Variants in GLI3 observed in about 807,000 individuals in gnomAD.
GLI3 encodes GLI family zinc finger 3, also known as transcription activator GLI3.
GLI3 carries 20 observed loss-of-function variants against 100.8 expected under a neutral mutation model. The observed-to-expected ratio is 0.20, with a 90% confidence interval of 0.14 to 0.29. The LOEUF is 0.29. GLI3 is among the 10% of genes least tolerant of loss of function. GLI3 has a pLI of 1.00. For synonymous variants in GLI3, 938 were observed against 860.5 expected, an observed-to-expected ratio of 1.09 and a Z score of -1.58; for missense variants, 2,040 against 2,128.5, an observed-to-expected ratio of 0.96 and a Z score of 0.82.
chr7:42,092,446 C>G lies in GLI3; in HGVS notation c.368-15589G>C, dbSNP rs763176698. Among the ~76,000 whole-genome samples, 54 of 152,166 alleles carry G rather than the reference C, an allele frequency of 3.5e-4. 1 individual carries two copies. The highest frequency in any genetic ancestry group is 9.8e-4 in the Admixed American group (15 of 15,280). On this transcript the variant is annotated intron_variant, in intron 3 of 14. Coordinates refer to ENST00000395925, the MANE Select transcript of GLI3 (RefSeq NM_000168.6). ...GAGCGCAAAGCCCGTGGTGTGCTGT[C>G]AGGATTCCAGCTCAGAAGTGGAGAC...
intron 3 of GLI3, among the ~76,000 whole-genome samples, chr7:42,105,199 C>CTGAAT (rs1785546984): frequency 6.6e-6 from 1 of 152,172 alleles, no homozygotes; most frequent in African/African-American, 2.4e-5. Flanking sequence ...ACTGTGTGCC[C>CTGAAT]TGAATTCAAG....
At chr7:42,205,565 TG>T (rs372117070) in intron 2 of GLI3, among the ~76,000 whole-genome samples, 13 of 152,180 alleles carry the variant, frequency 8.5e-5, no homozygotes, top group African/African-American at 3.1e-4. Context: ...GTAGAGAAGC[TG>T]GAGAATCGTA....
At chr7:41,994,215 C>A (rs576889398) in intron 10 of GLI3, among the ~76,000 whole-genome samples, 45 of 152,316 alleles carry the variant, frequency 3.0e-4, no homozygotes, top group African/African-American at 1.0e-3. Context: ...TTAAGCTGCA[C>A]TCTATCTCAC....
chr7:42,257,043 A>T (rs939152087), intron 1 of GLI3, among the ~76,000 whole-genome samples: 5 of 152,086 alleles, frequency 3.3e-5, no homozygotes, highest in African/African-American at 1.2e-4. Flanking sequence ...GCTATTTTGA[A>T]TTCAATTTTT....
At chr7:42,064,885 C>G (rs1266411192) in intron 4 of GLI3, among the ~76,000 whole-genome samples, 1 of 152,124 alleles carries the variant, frequency 6.6e-6, no homozygotes, top group African/African-American at 2.4e-5. Context: ...GGAACACAGG[C>G]AGAGAGCCTC....
intron 3 of GLI3, among the ~76,000 whole-genome samples, chr7:42,132,290 T>C (rs565236178): frequency 0.011 from 1,692 of 147,814 alleles, 27 homozygotes; most frequent in African/African-American, 0.031. Context: ...TTAGTAGAGA[T>C]GGGGTTTCAC....
chr7:42,040,902 T>C (rs1784123370), intron 6 of GLI3, among the ~76,000 whole-genome samples: 1 of 152,154 alleles, frequency 6.6e-6, no homozygotes, highest in Non-Finnish European at 1.5e-5. Flanking sequence ...TACTGGAATC[T>C]AGAGGGTAGA....
intron 3 of GLI3, among the ~76,000 whole-genome samples, chr7:42,130,345 A>T (rs1165898267): frequency 6.6e-6 from 1 of 152,216 alleles, no homozygotes; most frequent in Non-Finnish European, 1.5e-5. Flanking sequence ...AGGTTTTATG[A>T]GGAGAAAAAA....
intron 2 of GLI3, among the ~76,000 whole-genome samples, chr7:42,153,587 G>C (rs367615579): frequency 2.6e-5 from 4 of 151,916 alleles, no homozygotes; most frequent in African/African-American, 7.3e-5. Context: ...AATGTTAAGG[G>C]GGGGTGGGGG....
At chr7:42,031,433 G>GAGAGAA (rs1193577894) in intron 7 of GLI3, among the ~76,000 whole-genome samples, 1 of 152,176 alleles carries the variant, frequency 6.6e-6, no homozygotes, top group Non-Finnish European at 1.5e-5. Flanking sequence ...AAGTGTAATG[G>GAGAGAA]AGAGAAAGAG....
chr7:42,000,642 T>C (rs1212921721), intron 10 of GLI3, among the ~76,000 whole-genome samples: 1 of 151,900 alleles, frequency 6.6e-6, no homozygotes, highest in Non-Finnish European at 1.5e-5. Context: ...AAAGCAATGA[T>C]GCCTATAAAA....
At chr7:42,156,586 G>A (rs1787009460) in intron 2 of GLI3, among the ~76,000 whole-genome samples, 1 of 152,190 alleles carries the variant, frequency 6.6e-6, no homozygotes. Flanking sequence ...ACGGCCAACA[G>A]TTAAGCAGAA....
chr7:42,036,939 C>T (rs968250496), intron 7 of GLI3, among the ~76,000 whole-genome samples: 1 of 151,980 alleles, frequency 6.6e-6, no homozygotes, highest in Non-Finnish European at 1.5e-5. Context: ...TTCAGGAGTT[C>T]GAGACCAGGC....
At position 42,021,676 on chromosome 7, in the gene GLI3, A is replaced by G. The variant is rs183752203; in HGVS notation, c.1497+1792T>C. Among the ~76,000 whole-genome samples the G allele has an allele frequency of 3.2e-4, 48 of 152,332 alleles. No homozygotes were observed. In the East Asian group the frequency reaches 9.1e-3, roughly 29 times the overall value. On this transcript the variant is annotated intron_variant, in intron 10 of 14. Coordinates refer to ENST00000395925, the MANE Select transcript of GLI3 (RefSeq NM_000168.6). ...CTCTTATTTCATTCCTGATTTGGTA[A>G]TGACTGAACCAGTATCCAACATTCC...
At chr7:41,987,089 G>T (rs971664834) in intron 10 of GLI3, among the ~76,000 whole-genome samples, 2 of 76,108 alleles carry the variant, frequency 2.6e-5, no homozygotes. Flanking sequence ...AACATACACA[G>T]ACACAGACAC....
chr7:41,987,597 G>A (rs1039158339), intron 10 of GLI3, among the ~76,000 whole-genome samples: 1 of 152,210 alleles, frequency 6.6e-6, no homozygotes, highest in Admixed American at 6.5e-5. Flanking sequence ...TTGTAGAGAT[G>A]AGTGGAAAGA....
At chr7:42,049,733 A>T (rs1163633063) in intron 4 of GLI3, among the ~76,000 whole-genome samples, 1 of 152,162 alleles carries the variant, frequency 6.6e-6, no homozygotes, top group Non-Finnish European at 1.5e-5. Context: ...AACCTCCTGG[A>T]CCACCAAGTT....
chr7:42,044,669 C>T (rs1784209673), intron 6 of GLI3, among the ~76,000 whole-genome samples: 1 of 152,142 alleles, frequency 6.6e-6, no homozygotes. Context: ...TCAGCAGCTA[C>T]AAACTGTCTT....
chr7:42,065,976 C>G (rs1784666267), intron 4 of GLI3, among the ~76,000 whole-genome samples: 1 of 152,160 alleles, frequency 6.6e-6, no homozygotes, highest in South Asian at 2.1e-4. Flanking sequence ...GGGCACTTAG[C>G]AAGCACTCTG....
Sources: allele counts gnomAD v4.1 joint callset (sites outside exome capture counted in the v4.1 genomes callset), GRCh38; gene constraint gnomAD v4.1.1; transcripts MANE v1.5; gene names NCBI Gene and HGNC (gene_info 2026-07-23, HGNC 2026-07-21).